The following ATG4C variants were observed in gnomAD, a reference collection of about 807,000 sequenced individuals.
ATG4C encodes the protein cysteine protease ATG4C.
A neutral mutation model predicts 57.6 loss-of-function variants in ATG4C; 56 were observed. That is an observed-to-expected ratio of 0.97 (90% CI 0.78 to 1.21). The LOEUF is 1.21. ATG4C is among the 50% of genes most tolerant of loss of function. ATG4C has a pLI of 0.00. For missense variants in ATG4C, 595 were observed against 529.8 expected, an observed-to-expected ratio of 1.12 and a Z score of -1.21; for synonymous variants, 157 against 174.1, an observed-to-expected ratio of 0.90 and a Z score of 0.78.
Position 62,850,895 on chromosome 1 carries a change from TATATATAC to T in ATG4C, c.1209+9352_1209+9359del, listed in dbSNP as rs1407161000. Among the ~76,000 whole-genome samples, 69 of 69,986 alleles carry T rather than the reference TATATATAC, an allele frequency of 9.9e-4. 2 individuals carry two copies. Among genetic ancestry groups the T allele is most frequent in the African/African-American group, 3.3e-3 (43 of 12,852 alleles). The allele number at this position is 69,986 out of a possible 152,430, so 45.9% of individuals were successfully genotyped here. A position where few individuals can be genotyped will look rare whatever the true frequency, so the allele number is the denominator to read the frequency against. On this transcript the variant is annotated intron_variant, in intron 10 of 10. Transcript: ENST00000317868. ...ATATATATATATATATATATATATA[TATATATAC>T]ATACACATACACACACATTCTGTTT... is the stretch of plus-strand genomic sequence containing the variant.
chr1:62,809,887 A>G (rs1665017322), intron 3 of ATG4C, among the ~76,000 whole-genome samples: 1 of 152,056 alleles, frequency 6.6e-6, no homozygotes, highest in Non-Finnish European at 1.5e-5. Context: ...CAGATATAAT[A>G]TACACAAATT....
At chr1:62,801,668 T>TA (rs1664667467) in intron 1 of ATG4C, among the ~76,000 whole-genome samples, 1 of 106,290 alleles carries the variant, frequency 9.4e-6, no homozygotes, top group Non-Finnish European at 2.0e-5. Flanking sequence ...AAAAAAAAAA[T>TA]AAAAAAGAAG....
intron 1 of ATG4C, among the ~76,000 whole-genome samples, chr1:62,794,186 A>G (rs186002334): frequency 3.8e-4 from 58 of 152,338 alleles, no homozygotes; most frequent in Non-Finnish European, 6.9e-4. Context: ...TAGGTTGGTT[A>G]TGATGATTAC....
intron 1 of ATG4C, among the ~76,000 whole-genome samples, chr1:62,788,073 T>C (rs896022312): frequency 2.0e-5 from 3 of 152,166 alleles, no homozygotes; most frequent in Non-Finnish European, 4.4e-5. Context: ...TTATGTGTAG[T>C]TTACAGCTGT....
intron 10 of ATG4C, among the ~76,000 whole-genome samples, chr1:62,841,915 T>C (rs1169712729): frequency 6.6e-6 from 1 of 152,226 alleles, no homozygotes; most frequent in African/African-American, 2.4e-5. Context: ...AGCCAAATTG[T>C]GCATTATTTC....
chr1:62,842,248 T>TA (rs892547846), intron 10 of ATG4C, among the ~76,000 whole-genome samples: 7 of 152,062 alleles, frequency 4.6e-5, no homozygotes, highest in Non-Finnish European at 1.0e-4. Flanking sequence ...TTTGTACCAG[T>TA]AGTTAGGCTA....
chr1:62,855,035 A>AT, intron 10 of ATG4C, among the ~76,000 whole-genome samples: 1 of 149,924 alleles, frequency 6.7e-6, no homozygotes, highest in Non-Finnish European at 1.5e-5. Context: ...ATAAATCTTT[A>AT]TTTTTGTGTA....
intron 10 of ATG4C, among the ~76,000 whole-genome samples, chr1:62,856,112 A>G (rs142083175): frequency 4.4e-4 from 67 of 152,212 alleles, no homozygotes; most frequent in African/African-American, 1.6e-3. Flanking sequence ...AGTTACTCCC[A>G]TTTTCTCCAG....
At chr1:62,793,232 C>T (rs148793595) in intron 1 of ATG4C, among the ~76,000 whole-genome samples, 2 of 152,014 alleles carry the variant, frequency 1.3e-5, no homozygotes, top group South Asian at 2.1e-4. Flanking sequence ...TTTCACTACT[C>T]CTCTCCACCC....
chr1:62,863,918 C>T (rs1168609127), intron 10 of ATG4C, 74 bp from the exon 11 acceptor site: 1 of 1,072,456 alleles, frequency 9.3e-7, no homozygotes, highest in Non-Finnish European at 1.3e-6. Flanking sequence ...AGGGCTAAAA[C>T]AGTAGATTTG....
At chr1:62,788,546 T>G (rs1284089849) in intron 1 of ATG4C, among the ~76,000 whole-genome samples, 1 of 152,104 alleles carries the variant, frequency 6.6e-6, no homozygotes, top group Admixed American at 6.6e-5. Context: ...TCCTAAGAAC[T>G]AGCACATTCT....
At chr1:62,842,650 A>C (rs997382891) in intron 10 of ATG4C, among the ~76,000 whole-genome samples, 2 of 152,204 alleles carry the variant, frequency 1.3e-5, no homozygotes, top group African/African-American at 4.8e-5. Flanking sequence ...CAATGTAAAA[A>C]TGGAATGATA....
intron 1 of ATG4C, among the ~76,000 whole-genome samples, chr1:62,793,358 T>C (rs1043749755): frequency 1.7e-4 from 25 of 150,920 alleles, no homozygotes; most frequent in Non-Finnish European, 3.7e-4. Context: ...ATGCCTGTAG[T>C]CCTAGAACTT....
Position 62,829,244 on chromosome 1 carries a change from A to G in ATG4C, c.933+68A>G, listed in dbSNP as rs111269196. ...ATATGAAAAATATAGAAGGTTTGCAATTTTTTTCTGTTAAATGAGTAGTGA... is the reference window on the plus strand; with the variant it reads ...ATATGAAAAATATAGAAGGTTTGCAGTTTTTTTCTGTTAAATGAGTAGTGA... On this transcript the variant is annotated intron_variant, in intron 7 of 10. Transcript: ENST00000317868. 38 of 1,551,810 alleles carry G rather than the reference A, an allele frequency of 2.4e-5. 1 individual carries two copies. The highest frequency in any genetic ancestry group is 4.5e-5 in the East Asian group (2 of 44,016).
intron 7 of ATG4C, among the ~76,000 whole-genome samples, chr1:62,831,391 C>T (rs528876892): frequency 1.1e-4 from 16 of 152,114 alleles, no homozygotes; most frequent in Non-Finnish European, 1.5e-4. Context: ...AACCAATGTG[C>T]GTTGGTGAGT....
intron 10 of ATG4C, among the ~76,000 whole-genome samples, chr1:62,844,894 C>A (rs1206172312): frequency 6.6e-6 from 1 of 151,832 alleles, no homozygotes; most frequent in Admixed American, 6.6e-5. Context: ...ATCTATGTAA[C>A]CGTACATGTT....
chr1:62,847,175 TCAAA>T (rs1666349852), intron 10 of ATG4C, among the ~76,000 whole-genome samples: 1 of 152,040 alleles, frequency 6.6e-6, no homozygotes, highest in Non-Finnish European at 1.5e-5. Flanking sequence ...AGACTTTGTC[TCAAA>T]CAAAACAGAA....
intron 9 of ATG4C, among the ~76,000 whole-genome samples, chr1:62,840,284 T>C (rs542936656): frequency 3.9e-5 from 6 of 152,306 alleles, no homozygotes; most frequent in African/African-American, 1.4e-4. Context: ...GGCTCCTGAA[T>C]AGCTGGGATT....
intron 1 of ATG4C, among the ~76,000 whole-genome samples, chr1:62,798,042 G>A (rs997358634): frequency 2.6e-5 from 4 of 152,096 alleles, no homozygotes; most frequent in African/African-American, 9.7e-5. Flanking sequence ...GGCAGGTCTT[G>A]AACTCCTGAC....
Sources: gnomAD v4.1 joint callset for allele counts (sites outside exome capture counted in the v4.1 genomes callset) on GRCh38, gnomAD v4.1.1 for gene constraint, MANE v1.5 for transcripts, NCBI Gene and HGNC (gene_info 2026-07-23, HGNC 2026-07-21) for gene names.